NRXN1: variants seen among roughly 807,000 people sequenced by gnomAD.
NRXN1 encodes neurexin 1.
In NRXN1, 39 loss-of-function variants were observed where a neutral mutation model predicts 150.9. That is an observed-to-expected ratio of 0.26 (90% CI 0.20 to 0.34). The LOEUF (loss-of-function observed/expected upper bound fraction) is 0.34, where lower values mean the gene tolerates loss of function less well. Among genes scored for constraint, NRXN1 ranks in the 10% least tolerant of loss-of-function variants. NRXN1 has a pLI of 1.00. For synonymous variants in NRXN1, 924 were observed against 757.0 expected, an observed-to-expected ratio of 1.22 and a Z score of -3.62; for missense variants, 1,815 against 1,949.9, an observed-to-expected ratio of 0.93 and a Z score of 1.30.
chr2:50,753,964 T>TTTG lies in NRXN1; in HGVS notation c.833-130350_833-130349insCAA, dbSNP rs1554047726. ...TAAATTCATCATGACGATTTTTTTT[T>TTTG]GGGGGGGGGCGGAATTCCCAATGGC... is the stretch of plus-strand genomic sequence containing the variant. On this transcript the variant is annotated intron_variant, in intron 5 of 22. Coordinates refer to ENST00000401669, the MANE Select transcript of NRXN1 (RefSeq NM_001330078.2). Among the ~76,000 whole-genome samples, 3 of 118,054 alleles carry TTTG rather than the reference T, an allele frequency of 2.5e-5. No homozygotes were observed. In the Admixed American group the frequency reaches 3.0e-4, roughly 12 times the overall value. 77.4% of individuals were successfully genotyped at this position (118,054 alleles called of 152,430 possible).
At chr2:50,701,561 G>A (rs900060692) in intron 5 of NRXN1, among the ~76,000 whole-genome samples, 1 of 152,084 alleles carries the variant, frequency 6.6e-6, no homozygotes. Context: ...TATTACCTCT[G>A]TTAGCACATG....
At chr2:50,180,984 G>A (rs186295090) in intron 18 of NRXN1, among the ~76,000 whole-genome samples, 518 of 151,732 alleles carry the variant, frequency 3.4e-3, no homozygotes, top group Non-Finnish European at 4.9e-3. Flanking sequence ...ATTAATTAGG[G>A]GTTTTCTTTT....
intron 2 of NRXN1, among the ~76,000 whole-genome samples, chr2:50,972,141 A>G (rs1176175170): frequency 6.6e-6 from 1 of 152,188 alleles, no homozygotes; most frequent in African/African-American, 2.4e-5. Flanking sequence ...GGAATTATTA[A>G]TAAGGTATTA....
chr2:50,289,826 G>A (rs1268143191), intron 17 of NRXN1, among the ~76,000 whole-genome samples: 3 of 152,066 alleles, frequency 2.0e-5, no homozygotes, highest in Non-Finnish European at 4.4e-5. Flanking sequence ...GCACAGGAAG[G>A]AAATATGATA....
chr2:50,092,368 C>T (rs1699698816), intron 18 of NRXN1, among the ~76,000 whole-genome samples: 1 of 152,188 alleles, frequency 6.6e-6, no homozygotes, highest in East Asian at 1.9e-4. Context: ...TCAACTCTAC[C>T]ATGAAATCAG....
At chr2:50,966,687 T>A (rs1428676272) in intron 2 of NRXN1, among the ~76,000 whole-genome samples, 2 of 151,830 alleles carry the variant, frequency 1.3e-5, no homozygotes. Flanking sequence ...AAACATCAAT[T>A]AACAGAAAAT....
At chr2:50,314,997 G>GA (rs2075478418) in intron 17 of NRXN1, among the ~76,000 whole-genome samples, 1 of 151,446 alleles carries the variant, frequency 6.6e-6, no homozygotes, top group African/African-American at 2.4e-5. Flanking sequence ...TTTTTTCTTA[G>GA]AAAAAATATA....
chr2:50,443,320 G>C lies in NRXN1; in HGVS notation c.3364+22122C>G, dbSNP rs1294234661. 2.6e-5 allele frequency among the ~76,000 whole-genome samples: 4 copies of C among 152,174 alleles called. No homozygotes were observed. In the East Asian group the frequency reaches 7.7e-4, roughly 29 times the overall value. The stretch of plus-strand genomic sequence containing the variant: ...GTATATGAAGAAGAAAGTGGAGATG[G>C]TGTGAATATAGGAGAATTTTCTTCT... On this transcript the variant is annotated intron_variant, in intron 17 of 22. Coordinates refer to ENST00000401669, the MANE Select transcript of NRXN1 (RefSeq NM_001330078.2).
At chr2:50,850,743 T>TG (rs1559350330) in intron 5 of NRXN1, among the ~76,000 whole-genome samples, 3 of 37,536 alleles carry the variant, frequency 8.0e-5, no homozygotes, top group Non-Finnish European at 3.9e-4. Flanking sequence ...TAAACTAAGG[T>TG]TTTTTTTTTT....
chr2:50,571,096 T>A (rs1204464474), intron 8 of NRXN1, among the ~76,000 whole-genome samples: 1 of 152,174 alleles, frequency 6.6e-6, no homozygotes, highest in African/African-American at 2.4e-5. Flanking sequence ...AAATCAGTTT[T>A]TACTGGCCAT....
chr2:50,940,142 T>A (rs923837200), intron 2 of NRXN1, among the ~76,000 whole-genome samples: 6 of 152,252 alleles, frequency 3.9e-5, no homozygotes, highest in Non-Finnish European at 8.8e-5. Context: ...TCCATGAACT[T>A]AGAGTGCAGT....
chr2:50,616,297 T>C (rs1198774668), intron 8 of NRXN1: 8 of 152,182 alleles, frequency 5.3e-5, no homozygotes, highest in East Asian at 3.9e-4. Flanking sequence ...TTTGAGCTAA[T>C]CTTATTTTAT....
chr2:50,718,912 A>G (rs1696236006), intron 5 of NRXN1, among the ~76,000 whole-genome samples: 1 of 151,998 alleles, frequency 6.6e-6, no homozygotes, highest in South Asian at 2.1e-4. Flanking sequence ...GATAAAACAG[A>G]CCATTTCAAA....
At chr2:50,142,566 A>T (rs1707433212) in intron 18 of NRXN1, among the ~76,000 whole-genome samples, 1 of 151,962 alleles carries the variant, frequency 6.6e-6, no homozygotes, top group Admixed American at 6.6e-5. Flanking sequence ...ACAAAATATC[A>T]CATGTACCCA....
chr2:50,279,486 TA>T (rs2152931019), intron 17 of NRXN1, among the ~76,000 whole-genome samples: 1 of 152,310 alleles, frequency 6.6e-6, no homozygotes, highest in East Asian at 1.9e-4. Context: ...CACCAAAATT[TA>T]ACTTTTTTGG....
At chr2:50,352,578 C>T (rs2078487810) in intron 17 of NRXN1, among the ~76,000 whole-genome samples, 1 of 151,650 alleles carries the variant, frequency 6.6e-6, no homozygotes, top group African/African-American at 2.4e-5. Context: ...GATAAGCAGA[C>T]CCCACATATC....
chr2:50,240,004 A>C (rs1203708552), intron 17 of NRXN1, among the ~76,000 whole-genome samples: 1 of 151,464 alleles, frequency 6.6e-6, no homozygotes, highest in Non-Finnish European at 1.5e-5. Flanking sequence ...TAGCACAATT[A>C]TAGAACTTGT....
At chr2:50,725,635 T>C (rs1304568450) in intron 5 of NRXN1, among the ~76,000 whole-genome samples, 1 of 152,118 alleles carries the variant, frequency 6.6e-6, no homozygotes, top group Non-Finnish European at 1.5e-5. Flanking sequence ...ATGGTACACA[T>C]AGAAAATGCC....
chr2:50,540,321 T>C (rs1205055396), intron 9 of NRXN1, among the ~76,000 whole-genome samples: 1 of 152,236 alleles, frequency 6.6e-6, no homozygotes, highest in African/African-American at 2.4e-5. Flanking sequence ...AAAACTCTCA[T>C]TTAGGAACAT....
Sources: allele counts gnomAD v4.1 joint callset (sites outside exome capture counted in the v4.1 genomes callset), GRCh38; gene constraint gnomAD v4.1.1; transcripts MANE v1.5; gene names NCBI Gene and HGNC (gene_info 2026-07-23, HGNC 2026-07-21).